Variants in TASP1 observed in about 807,000 individuals in gnomAD.
The protein encoded by TASP1 is threonine aspartase 1.
A neutral mutation model predicts 56.6 loss-of-function variants in TASP1; 16 were observed. The ratio of observed to expected loss-of-function variants is 0.28; its 90% CI spans 0.19 to 0.43. The LOEUF is 0.43. Ranked by LOEUF, TASP1 falls within the 20% of genes least tolerant of loss-of-function variation. The pLI is 1.00. For synonymous variants in TASP1, 179 were observed against 184.2 expected (o/e 0.97, Z 0.23); for missense variants, 393 against 511.6 (o/e 0.77, Z 2.24).
the TASP1 span, among the ~76,000 whole-genome samples, chr20:13,325,830 TAAAAG>T: frequency 7.2e-5 from 11 of 152,208 alleles, no homozygotes; most frequent in African/African-American, 2.7e-4. Context: ...ACATACACTT[TAAAAG>T]AAAACATTGT....
the TASP1 span, among the ~76,000 whole-genome samples, chr20:13,225,862 TAAAAC>T: frequency 6.6e-6 from 1 of 152,150 alleles, no homozygotes; most frequent in East Asian, 1.9e-4. Context: ...ATGTTAATGA[TAAAAC>T]ATACATAGAT....
At chr20:13,453,543 G>T in intron 11 of TASP1, among the ~76,000 whole-genome samples, 1 of 152,098 alleles carries the variant, frequency 6.6e-6, no homozygotes, top group Admixed American at 6.6e-5. Context: ...CTTGGGAATG[G>T]CATATACTTA....
the TASP1 span, among the ~76,000 whole-genome samples, chr20:13,201,426 G>A: frequency 6.6e-6 from 1 of 152,032 alleles, no homozygotes; most frequent in African/African-American, 2.4e-5. Flanking sequence ...TTGAATAACT[G>A]GGTGGATGAT....
intron 8 of TASP1, among the ~76,000 whole-genome samples, chr20:13,557,799 G>A (rs2046215426): frequency 6.6e-6 from 1 of 151,640 alleles, no homozygotes; most frequent in Admixed American, 6.6e-5. Context: ...CTCAACTCCT[G>A]AGCTCTAGTA....
At chr20:13,397,422 G>GA (rs202099069) in intron 13 of TASP1, among the ~76,000 whole-genome samples, 2,600 of 147,452 alleles carry the variant, frequency 0.018, 73 homozygotes, top group African/African-American at 0.058. Flanking sequence ...TTTTTCAGAT[G>GA]AAAAAAAAAA....
At chr20:13,259,463 A>G in the TASP1 span, among the ~76,000 whole-genome samples, 10 of 152,194 alleles carry the variant, frequency 6.6e-5, no homozygotes, top group Non-Finnish European at 1.3e-4. Flanking sequence ...TTTTCATAAT[A>G]TTAAAAATGT....
chr20:13,118,082 T>C, the TASP1 span, among the ~76,000 whole-genome samples: 1 of 152,092 alleles, frequency 6.6e-6, no homozygotes, highest in African/African-American at 2.4e-5. Context: ...GGGCCATATT[T>C]AACACACAGA....
At chr20:13,577,520 G>T (rs548081200) in intron 6 of TASP1, among the ~76,000 whole-genome samples, 2 of 152,216 alleles carry the variant, frequency 1.3e-5, no homozygotes, top group African/African-American at 4.8e-5. Flanking sequence ...TTTGGAGATG[G>T]GGCCTTTGGG....
the TASP1 span, among the ~76,000 whole-genome samples, chr20:13,184,040 A>G: frequency 6.6e-6 from 1 of 151,920 alleles, no homozygotes; most frequent in Non-Finnish European, 1.5e-5. Flanking sequence ...AAAAAAAAAA[A>G]AAAAAGAAAG....
intron 10 of TASP1, among the ~76,000 whole-genome samples, chr20:13,523,611 G>A (rs553573297): frequency 6.6e-6 from 1 of 152,194 alleles, no homozygotes; most frequent in South Asian, 2.1e-4. Flanking sequence ...CAGAAATATT[G>A]AGGCATAAGG....
chr20:13,115,445 C>T, the TASP1 span, among the ~76,000 whole-genome samples: 1 of 152,108 alleles, frequency 6.6e-6, no homozygotes, highest in Non-Finnish European at 1.5e-5. Context: ...AATTAGCTGC[C>T]CGCAGTGTCT....
chr20:13,219,458 C>A, the TASP1 span, among the ~76,000 whole-genome samples: 1 of 151,646 alleles, frequency 6.6e-6, no homozygotes, highest in East Asian at 1.9e-4. Context: ...CCCACTCCCC[C>A]CGACCCGCAC....
chr20:13,612,542 G>C (rs1419289884), intron 4 of TASP1, among the ~76,000 whole-genome samples: 1 of 147,096 alleles, frequency 6.8e-6, no homozygotes, highest in Non-Finnish European at 1.5e-5. Context: ...CCCATACACA[G>C]AAGCGCATGG....
intron 13 of TASP1, chr20:13,393,304 C>G: frequency 4.0e-6 from 3 of 755,776 alleles, no homozygotes. Flanking sequence ...CCTGCATCTA[C>G]TGGCACTGCC....
the TASP1 span, among the ~76,000 whole-genome samples, chr20:13,243,788 G>T: frequency 6.6e-6 from 1 of 152,176 alleles, no homozygotes; most frequent in African/African-American, 2.4e-5. Flanking sequence ...GCAAAACATG[G>T]TTTCAGTAGG....
chr20:13,580,399 A>G (rs2047078435), intron 6 of TASP1, among the ~76,000 whole-genome samples: 1 of 152,306 alleles, frequency 6.6e-6, no homozygotes, highest in East Asian at 1.9e-4. Flanking sequence ...GTGAGCCATG[A>G]CTGTGCCACT....
intron 12 of TASP1, among the ~76,000 whole-genome samples, chr20:13,429,633 TGTCTGTCTGTGTGTGTGC>T (rs1351815439): frequency 5.4e-4 from 75 of 139,668 alleles, no homozygotes; most frequent in African/African-American, 2.0e-3. Context: ...TGTGTGTGTG[TGTCTGTCTGTGTGTGTGC>T]CTGTCTGTGT....
At chr20:13,537,677 T>C (rs2045465818) in intron 8 of TASP1, among the ~76,000 whole-genome samples, 1 of 152,184 alleles carries the variant, frequency 6.6e-6, no homozygotes, top group Non-Finnish European at 1.5e-5. Context: ...ACTTTTTTGA[T>C]AAAATTGTAA....
chr20:13,306,503 T>G, the TASP1 span, among the ~76,000 whole-genome samples: 1 of 150,900 alleles, frequency 6.6e-6, no homozygotes. Context: ...TGGTGTTTTT[T>G]GTTTGTTTGT....
Sources: allele counts gnomAD v4.1 joint callset (sites outside exome capture counted in the v4.1 genomes callset), GRCh38; gene constraint gnomAD v4.1.1; transcripts MANE v1.5; gene names NCBI Gene and HGNC (gene_info 2026-07-23, HGNC 2026-07-21).